Variants in SH3RF3 observed in about 807,000 individuals in gnomAD.
SH3RF3 encodes SH3 domain containing ring finger 3, also known as E3 ubiquitin-protein ligase SH3RF3.
Under a neutral mutation model 66.3 loss-of-function variants are expected in SH3RF3, and 29 were observed. The observed-to-expected ratio is 0.44, with a 90% confidence interval of 0.33 to 0.60. SH3RF3 has a LOEUF of 0.60. SH3RF3 is among the 20% of genes least tolerant of loss of function. The pLI is 0.04. For synonymous variants in SH3RF3, 583 were observed against 532.0 expected (o/e 1.10, Z -1.32); for missense variants, 1,194 against 1,190.9 (o/e 1.00, Z -0.04).
chr2:109,391,398 C>T (rs1049231264), intron 3 of SH3RF3, among the ~76,000 whole-genome samples: 5 of 152,200 alleles, frequency 3.3e-5, no homozygotes, highest in African/African-American at 1.2e-4. Context: ...GGATGCAGGT[C>T]ACCCACAGGC....
intron 1 of SH3RF3, among the ~76,000 whole-genome samples, chr2:109,340,888 G>A (rs1156306976): frequency 6.6e-6 from 1 of 151,888 alleles, no homozygotes; most frequent in African/African-American, 2.4e-5. Flanking sequence ...ACAAAGTCTG[G>A]GAAAAGTAAA....
intron 3 of SH3RF3, among the ~76,000 whole-genome samples, chr2:109,385,732 C>G (rs1319899009): frequency 6.6e-6 from 1 of 152,240 alleles, no homozygotes; most frequent in African/African-American, 2.4e-5. Flanking sequence ...GTGTCCCAGC[C>G]AGCCCTGCCA....
chr2:109,279,136 G>A (rs1680825651), intron 1 of SH3RF3, among the ~76,000 whole-genome samples: 1 of 152,140 alleles, frequency 6.6e-6, no homozygotes, highest in Non-Finnish European at 1.5e-5. Context: ...ACCATCCATG[G>A]GATATTGAGT....
chr2:109,244,509 A>G (rs1679865665), intron 1 of SH3RF3, among the ~76,000 whole-genome samples: 2 of 152,198 alleles, frequency 1.3e-5, no homozygotes, highest in African/African-American at 4.8e-5. Context: ...GTGAGATTGA[A>G]AATTAAATTT....
chr2:109,337,293 G>A (rs945782848), intron 1 of SH3RF3, among the ~76,000 whole-genome samples: 1 of 152,212 alleles, frequency 6.6e-6, no homozygotes, highest in Non-Finnish European at 1.5e-5. Context: ...TCTCCCCACA[G>A]CAGGGCTGCC....
At chr2:109,338,410 T>C (rs1574582175) in intron 1 of SH3RF3, among the ~76,000 whole-genome samples, 1 of 151,896 alleles carries the variant, frequency 6.6e-6, no homozygotes, top group Non-Finnish European at 1.5e-5. Flanking sequence ...CTTTTGTCAT[T>C]TGAGCCAGAT....
intron 1 of SH3RF3, among the ~76,000 whole-genome samples, chr2:109,344,322 G>A (rs139614553): frequency 1.6e-4 from 24 of 152,312 alleles, no homozygotes; most frequent in Admixed American, 1.4e-3. Context: ...TGGTGACGGG[G>A]GAGCAGTGTG....
chr2:109,265,936 TTACCCACCG>T (rs1441607811), intron 1 of SH3RF3, among the ~76,000 whole-genome samples: 3 of 152,226 alleles, frequency 2.0e-5, no homozygotes, highest in African/African-American at 4.8e-5. Context: ...AAACTTGAAA[TTACCCACCG>T]AGCCCTGGAG....
rs1007744059 is a variant in SH3RF3, at chr2:109,384,670, G to A, written c.945+12989G>A. Among the ~76,000 whole-genome samples the A allele has an allele frequency of 3.9e-4, 60 of 152,128 alleles. 1 individual carries two copies. The highest frequency in any genetic ancestry group is 5.9e-5 in the Non-Finnish European group (4 of 68,028). ...GTGTCCATAGACTCCTCCTGACCAC[G>A]TCCTTGTCATTCCTAAGCCCACCCC... On this transcript the variant is annotated intron_variant, in intron 3 of 9. Coordinates refer to ENST00000309415, the MANE Select transcript of SH3RF3 (RefSeq NM_001099289.3).
At chr2:109,469,894 C>A (rs1678457677) in intron 8 of SH3RF3, among the ~76,000 whole-genome samples, 1 of 152,204 alleles carries the variant, frequency 6.6e-6, no homozygotes, top group Admixed American at 6.5e-5. Flanking sequence ...CTCAGACATT[C>A]TTCTGTGGGG....
At chr2:109,249,514 T>C (rs1442514396) in intron 1 of SH3RF3, among the ~76,000 whole-genome samples, 14 of 42,938 alleles carry the variant, frequency 3.3e-4, no homozygotes, top group African/African-American at 1.4e-3. Flanking sequence ...TCTTTCATTC[T>C]TTCTTTTTCT....
chr2:109,218,354 A>G (rs1244747987), intron 1 of SH3RF3, among the ~76,000 whole-genome samples: 1 of 152,158 alleles, frequency 6.6e-6, no homozygotes, highest in Non-Finnish European at 1.5e-5. Context: ...TTGTCCTTTC[A>G]ATTCAAAATA....
chr2:109,436,458 C>G (rs1047468015), intron 6 of SH3RF3, among the ~76,000 whole-genome samples: 3 of 152,176 alleles, frequency 2.0e-5, no homozygotes, highest in Non-Finnish European at 4.4e-5. Context: ...CCAGCAGATG[C>G]GAGGTGGCAG....
chr2:109,391,020 G>A (rs1451856010), intron 3 of SH3RF3, among the ~76,000 whole-genome samples: 2 of 152,216 alleles, frequency 1.3e-5, no homozygotes, highest in Non-Finnish European at 1.5e-5. Flanking sequence ...GTGGACGGGT[G>A]CCACCTGCCT....
At chr2:109,210,326 T>C (rs1002938449) in intron 1 of SH3RF3, among the ~76,000 whole-genome samples, 17 of 152,238 alleles carry the variant, frequency 1.1e-4, no homozygotes, top group Admixed American at 4.6e-4. Context: ...GACCTAAAAA[T>C]GATATTTCAA....
chr2:109,351,675 G>A (rs898899334), intron 2 of SH3RF3, among the ~76,000 whole-genome samples: 6 of 152,338 alleles, frequency 3.9e-5, no homozygotes, highest in South Asian at 2.1e-4. Context: ...GAGAGTGCCC[G>A]CTGATCATGG....
chr2:109,447,486 T>A (rs1208662568), intron 7 of SH3RF3, among the ~76,000 whole-genome samples: 1 of 152,206 alleles, frequency 6.6e-6, no homozygotes, highest in Non-Finnish European at 1.5e-5. Flanking sequence ...TGCCACAAAG[T>A]CTGCTGGTAG....
At chr2:109,378,398 T>C (rs965341903) in intron 3 of SH3RF3, among the ~76,000 whole-genome samples, 3 of 152,214 alleles carry the variant, frequency 2.0e-5, no homozygotes, top group Non-Finnish European at 4.4e-5. Flanking sequence ...GTTGACTTTA[T>C]GCACCCCCAC....
intron 3 of SH3RF3, among the ~76,000 whole-genome samples, chr2:109,391,525 A>G (rs1402138573): frequency 6.6e-6 from 1 of 152,204 alleles, no homozygotes; most frequent in East Asian, 1.9e-4. Flanking sequence ...GCCTCTGTCA[A>G]ACTAACTTCA....
Sources: allele counts gnomAD v4.1 joint callset (sites outside exome capture counted in the v4.1 genomes callset), GRCh38; gene constraint gnomAD v4.1.1; transcripts MANE v1.5; gene names NCBI Gene and HGNC (gene_info 2026-07-23, HGNC 2026-07-21).